Variants in KCND2 observed in about 807,000 individuals in gnomAD.
KCND2 encodes potassium voltage-gated channel subfamily D member 2.
Under a neutral mutation model 54.4 loss-of-function variants are expected in KCND2, and 16 were observed. The observed-to-expected ratio is 0.29, with a 90% CI of 0.20 to 0.45. The LOEUF is 0.45. Ranked by LOEUF, KCND2 falls within the 20% of genes least tolerant of loss-of-function variation. The probability of loss-of-function intolerance (pLI) is 1.00; values close to 1 mark genes in which losing one functional copy is unlikely to be tolerated. For missense variants in KCND2, 486 were observed against 824.2 expected (o/e 0.59, Z 5.02); for synonymous variants, 317 against 310.7 (o/e 1.02, Z -0.21).
intron 1 of KCND2, among the ~76,000 whole-genome samples, chr7:120,451,819 C>T (rs1265121231): frequency 6.6e-6 from 1 of 152,204 alleles, no homozygotes; most frequent in African/African-American, 2.4e-5. Flanking sequence ...ATGTGCTATG[C>T]TCCAGTGTCA....
intron 1 of KCND2, among the ~76,000 whole-genome samples, chr7:120,288,743 A>G (rs1799386294): frequency 1.3e-5 from 2 of 152,108 alleles, no homozygotes; most frequent in Admixed American, 1.3e-4. Flanking sequence ...TGGTTACAGG[A>G]TTTTTGAACA....
At chr7:120,376,549 TATG>T (rs1291112901) in intron 1 of KCND2, among the ~76,000 whole-genome samples, 6 of 150,678 alleles carry the variant, frequency 4.0e-5, no homozygotes, top group South Asian at 4.2e-4. Context: ...AATAAATATA[TATG>T]ATATGTATTT....
At chr7:120,716,906 A>C (rs185757740) in intron 1 of KCND2, among the ~76,000 whole-genome samples, 1 of 152,228 alleles carries the variant, frequency 6.6e-6, no homozygotes, top group Non-Finnish European at 1.5e-5. Context: ...CAAACCAAGG[A>C]TGGTACTGAA....
At position 120,745,940 on chromosome 7, in the gene KCND2, C is replaced by G. The variant is rs1168875214; in HGVS notation, c.1628C>G (p.Ala543Gly). The G allele has an allele frequency of 6.2e-7, 1 of 1,613,818 alleles. No homozygotes were observed. Among genetic ancestry groups the G allele is most frequent in the Non-Finnish European group, 8.5e-7 (1 of 1,179,804 alleles). The change falls in exon 5 of 6, where the codon GCC (alanine) becomes GGC (glycine). Residue 543 changes from alanine (A) to glycine (G), a missense_variant. Physicochemically the swap from Ala to Gly is moderately conservative, Grantham distance 60. Around this residue, in one of 7 missense-constraint regions of KCND2, gnomAD observed 202 missense variants for 252.7 expected, o/e 0.80. Transcript: ENST00000331113. ...AAAAAAACTTTTCGCATCCCAAATGCCAATGTATCAGGAAGCCATCAAGGT... is the reference window on the plus strand; with the variant it reads ...AAAAAAACTTTTCGCATCCCAAATGGCAATGTATCAGGAAGCCATCAAGGT... ...RHKKTFRIPN[A>G]NVSGSHQGSI...
Position 120,300,253 on chromosome 7 carries a change from A to G in KCND2, c.1115+24506A>G, listed in dbSNP as rs577336937. Among the ~76,000 whole-genome samples, 4 of 152,232 alleles carry G rather than the reference A, an allele frequency of 2.6e-5. No homozygotes were observed. In the East Asian group the frequency reaches 7.7e-4, roughly 29 times the overall value. On this transcript the variant is annotated intron_variant, in intron 1 of 5. Coordinates refer to ENST00000331113, the MANE Select transcript of KCND2 (RefSeq NM_012281.3). ...CATATTAGTGAGATATTATAATTTT[A>G]TGCTTCCACTGTGTTGTGTCCAGAA...
rs373899494 is a variant in KCND2, at chr7:120,581,269, T to C, written c.1116-151634T>C. On this transcript the variant is annotated intron_variant, in intron 1 of 5. Transcript: ENST00000331113. ...ATGTTCCTCTCTCTAAAAGCAAGTT[T>C]AGTTTGTTTCTCGCTTTCCTATAGA... Among the ~76,000 whole-genome samples, 3 of 152,218 alleles carry C rather than the reference T, an allele frequency of 2.0e-5. No homozygotes were observed. The East Asian group carries it at 5.8e-4, about 29-fold the overall frequency.
intron 1 of KCND2, among the ~76,000 whole-genome samples, chr7:120,497,595 T>A (rs1423990026): frequency 1.3e-5 from 2 of 152,204 alleles, no homozygotes; most frequent in African/African-American, 2.4e-5. Flanking sequence ...GCCATCCACT[T>A]GGCCATCCTA....
intron 1 of KCND2, among the ~76,000 whole-genome samples, chr7:120,353,842 G>A (rs1421151796): frequency 6.6e-6 from 1 of 152,146 alleles, no homozygotes; most frequent in African/African-American, 2.4e-5. Context: ...GGGTAAAGGT[G>A]CCTTAGACAA....
chr7:120,473,698 A>C (rs73435864), intron 1 of KCND2, among the ~76,000 whole-genome samples: 1,671 of 152,312 alleles, frequency 0.011, 34 homozygotes, highest in African/African-American at 0.038. Context: ...AAACAAATAA[A>C]ATAAACTTTT....
chr7:120,710,353 A>G lies in KCND2; in HGVS notation c.1116-22550A>G, dbSNP rs776571680. 2.0e-5 allele frequency among the ~76,000 whole-genome samples: 3 copies of G among 152,172 alleles called. No individual in the cohort carries two copies. In the South Asian group the frequency reaches 6.2e-4, roughly 32 times the overall value. On this transcript the variant is annotated intron_variant, in intron 1 of 5. Transcript: ENST00000331113. Reference sequence around the variant, plus strand: ...AGGTATTAAATATTCAAATCTGTGCAGGGAGCAGGTAATTTAGTGCAGCTA... The same window carrying G: ...AGGTATTAAATATTCAAATCTGTGCGGGGAGCAGGTAATTTAGTGCAGCTA...
At chr7:120,349,347 C>CACAG (rs1800369715) in intron 1 of KCND2, among the ~76,000 whole-genome samples, 3 of 151,360 alleles carry the variant, frequency 2.0e-5, no homozygotes, top group South Asian at 2.1e-4. Flanking sequence ...CACACACACA[C>CACAG]ACAGACACAC....
At chr7:120,700,124 G>GA (rs1160768643) in intron 1 of KCND2, among the ~76,000 whole-genome samples, 1 of 151,988 alleles carries the variant, frequency 6.6e-6, no homozygotes, top group East Asian at 1.9e-4. Flanking sequence ...AAATAAATCA[G>GA]AAAAAATATG....
intron 1 of KCND2, among the ~76,000 whole-genome samples, chr7:120,397,250 G>GAA (rs1036796538): frequency 2.6e-5 from 4 of 151,968 alleles, no homozygotes; most frequent in African/African-American, 9.7e-5. Flanking sequence ...CATCAAAATA[G>GAA]AAAATGTCAT....
At chr7:120,353,265 C>G (rs1167722359) in intron 1 of KCND2, among the ~76,000 whole-genome samples, 2 of 148,750 alleles carry the variant, frequency 1.3e-5, no homozygotes, top group East Asian at 4.1e-4. Context: ...GCCTTCGTCT[C>G]TGAATATTGC....
At chr7:120,539,493 A>C (rs1345684069) in intron 1 of KCND2, among the ~76,000 whole-genome samples, 1 of 152,204 alleles carries the variant, frequency 6.6e-6, no homozygotes, top group Non-Finnish European at 1.5e-5. Context: ...AGAGCCACGG[A>C]AGGAACACTG....
At chr7:120,276,401 C>A (rs1414661875) in intron 1 of KCND2, among the ~76,000 whole-genome samples, 3 of 152,068 alleles carry the variant, frequency 2.0e-5, no homozygotes, top group Non-Finnish European at 2.9e-5. Flanking sequence ...AAATTTGCAA[C>A]ATATTTCAAG....
chr7:120,407,310 A>G (rs1484262447), intron 1 of KCND2, among the ~76,000 whole-genome samples: 1 of 152,000 alleles, frequency 6.6e-6, no homozygotes, highest in African/African-American at 2.4e-5. Context: ...CCAACAGTTT[A>G]TTAGAGAGTA....
chr7:120,638,465 G>T (rs914500283), intron 1 of KCND2, among the ~76,000 whole-genome samples: 1 of 152,118 alleles, frequency 6.6e-6, no homozygotes, highest in Non-Finnish European at 1.5e-5. Context: ...AATTTCCCCT[G>T]CCATCTGGGG....
intron 1 of KCND2, among the ~76,000 whole-genome samples, chr7:120,412,831 A>T (rs993697472): frequency 1.3e-5 from 2 of 152,014 alleles, no homozygotes; most frequent in African/African-American, 4.8e-5. Context: ...CAAACTCCTA[A>T]TGCTTCCATT....
Sources: gnomAD v4.1 joint callset for allele counts (sites outside exome capture counted in the v4.1 genomes callset) on GRCh38, gnomAD v4.1.1 for gene constraint, gnomAD v4.1.1 regional missense constraint, MANE v1.5 for transcripts, NCBI Gene and HGNC (gene_info 2026-07-23, HGNC 2026-07-21) for gene names.